The following GRIK2 variants were observed in gnomAD, a reference collection of about 807,000 sequenced individuals.
GRIK2 encodes the protein glutamate receptor ionotropic, kainate 2.
Under a neutral mutation model 100.3 loss-of-function variants are expected in GRIK2, and 32 were observed. The observed-to-expected ratio is 0.32, with a 90% CI of 0.24 to 0.43. GRIK2 has a LOEUF of 0.43. GRIK2 is among the 20% of genes least tolerant of loss of function. The pLI, the probability that GRIK2 is intolerant of heterozygous loss-of-function variation, is 1.00. For missense variants in GRIK2, 843 were observed against 1,114.9 expected, an observed-to-expected ratio of 0.76 and a Z score of 3.47; for synonymous variants, 417 against 389.4, an observed-to-expected ratio of 1.07 and a Z score of -0.83.
intron 7 of GRIK2, among the ~76,000 whole-genome samples, chr6:101,714,074 G>A (rs181179185): frequency 6.6e-6 from 1 of 151,812 alleles, no homozygotes; most frequent in African/African-American, 2.4e-5. Flanking sequence ...AAAATGCAAA[G>A]AAATGTATAT....
chr6:101,623,036 G>T (rs1780239741), intron 3 of GRIK2, among the ~76,000 whole-genome samples: 1 of 151,886 alleles, frequency 6.6e-6, no homozygotes, highest in Admixed American at 6.6e-5. Flanking sequence ...AAAGGAAAAG[G>T]CTTATAAAGT....
chr6:101,857,199 T>C (rs1784468989), intron 10 of GRIK2, among the ~76,000 whole-genome samples: 1 of 151,998 alleles, frequency 6.6e-6, no homozygotes, highest in African/African-American at 2.4e-5. Context: ...TGGAGGTAAA[T>C]GAAAATAGTC....
intron 7 of GRIK2, among the ~76,000 whole-genome samples, chr6:101,714,195 T>C (rs1773908854): frequency 6.6e-6 from 1 of 151,736 alleles, no homozygotes; most frequent in Admixed American, 6.6e-5. Flanking sequence ...TAAAGTTCTT[T>C]TTTTTGTCAG....
chr6:101,930,351 A>AAT (rs1554288360), intron 14 of GRIK2, among the ~76,000 whole-genome samples: 174 of 5,928 alleles, frequency 0.029, 1 homozygote, highest in East Asian at 0.13. Context: ...TCAAAAAAAA[A>AAT]AAATAAAATA....
intron 14 of GRIK2, among the ~76,000 whole-genome samples, chr6:101,976,651 C>T (rs1793396901): frequency 6.6e-6 from 1 of 151,824 alleles, no homozygotes; most frequent in South Asian, 2.1e-4. Context: ...CATGCCACCA[C>T]TGCACTCCAA....
chr6:101,446,770 C>T (rs748610389), intron 2 of GRIK2, among the ~76,000 whole-genome samples: 5 of 148,216 alleles, frequency 3.4e-5, no homozygotes, highest in Admixed American at 6.8e-5. Context: ...AATGCCAAAA[C>T]AATTTTCAAA....
intron 11 of GRIK2, among the ~76,000 whole-genome samples, chr6:101,889,389 C>A (rs1397539898): frequency 1.3e-5 from 2 of 151,022 alleles, no homozygotes; most frequent in African/African-American, 2.4e-5. Flanking sequence ...GTTTTTTTTT[C>A]TATATCTACT....
intron 11 of GRIK2, among the ~76,000 whole-genome samples, chr6:101,878,605 T>C (rs2128452261): frequency 6.6e-6 from 1 of 152,192 alleles, no homozygotes; most frequent in Admixed American, 6.6e-5. Context: ...TAACTCTCTC[T>C]GTATTTTTAT....
At chr6:101,866,915 TGTGA>T (rs1039214470) in intron 11 of GRIK2, among the ~76,000 whole-genome samples, 1 of 151,846 alleles carries the variant, frequency 6.6e-6, no homozygotes, top group African/African-American at 2.4e-5. Context: ...TGTGTGTGTG[TGTGA>T]ATGTGTGTGT....
chr6:101,434,881 A>C (rs1049898166), intron 2 of GRIK2, among the ~76,000 whole-genome samples: 6 of 152,226 alleles, frequency 3.9e-5, no homozygotes, highest in South Asian at 2.1e-4. Flanking sequence ...TGTTTTGCTT[A>C]TTTCTCTGCA....
rs375002157 is a variant in GRIK2 at position 101,706,367 on chromosome 6, A to G, written c.951+20014A>G. ...TGTCTGTTGACATATTTGTTATTCA[A>G]ATTCAAATTTTCTTTCTCATATTGT... On this transcript the variant is annotated intron_variant, in intron 7 of 16. Transcript: ENST00000369134. 2.3e-4 allele frequency among the ~76,000 whole-genome samples: 35 copies of G among 151,978 alleles called. 3 individuals are homozygous for G. The highest frequency in any genetic ancestry group is 1.7e-3 in the East Asian group (9 of 5,162).
chr6:101,894,860 A>C (rs1022636682), intron 12 of GRIK2, among the ~76,000 whole-genome samples: 1 of 151,670 alleles, frequency 6.6e-6, no homozygotes, highest in African/African-American at 2.4e-5. Context: ...GGTTCTTAGC[A>C]GTTTGATGTA....
intron 2 of GRIK2, among the ~76,000 whole-genome samples, chr6:101,514,491 AC>A (rs1774482119): frequency 6.6e-6 from 1 of 152,056 alleles, no homozygotes; most frequent in South Asian, 2.1e-4. Context: ...TTTTTAAAGA[AC>A]TCATTTAATG....
intron 4 of GRIK2, among the ~76,000 whole-genome samples, chr6:101,634,921 T>C (rs1780932710): frequency 6.6e-6 from 1 of 152,074 alleles, no homozygotes; most frequent in African/African-American, 2.4e-5. Context: ...CTTTTGGAGT[T>C]AGCATAATAT....
intron 7 of GRIK2, among the ~76,000 whole-genome samples, chr6:101,723,751 T>C (rs1410552654): frequency 7.9e-5 from 12 of 152,012 alleles, no homozygotes; most frequent in African/African-American, 2.9e-4. Flanking sequence ...ACTAAATAGA[T>C]ACACATTCAA....
chr6:101,730,596 T>C (rs1188922189), intron 7 of GRIK2, among the ~76,000 whole-genome samples: 2 of 151,964 alleles, frequency 1.3e-5, no homozygotes, highest in Non-Finnish European at 2.9e-5. Flanking sequence ...AATTGATACA[T>C]ACTGCTTGAT....
At position 101,912,043 on chromosome 6, in the gene GRIK2, AACGC is replaced by A. The variant is rs1562482861; in HGVS notation, c.1749-12555_1749-12552del. On this transcript the variant is annotated intron_variant, in intron 12 of 16. Coordinates refer to ENST00000369134, the MANE Select transcript of GRIK2 (RefSeq NM_021956.5). ...AGAAGCTTTAGTGATTACCAGGGGCAACGCACACACACACACACACACACACACA... is the reference window on the plus strand; with the variant it reads ...AGAAGCTTTAGTGATTACCAGGGGCAACACACACACACACACACACACACA... Among the ~76,000 whole-genome samples, 30 of 134,708 alleles carry A rather than the reference AACGC, an allele frequency of 2.2e-4. 1 individual carries two copies. In the South Asian group the frequency reaches 7.3e-3, roughly 33 times the overall value. 88.4% of individuals were successfully genotyped at this position (134,708 alleles called of 152,430 possible).
chr6:101,533,682 A>T (rs370222704), intron 2 of GRIK2, among the ~76,000 whole-genome samples: 182 of 152,080 alleles, frequency 1.2e-3, no homozygotes, highest in African/African-American at 4.3e-3. Flanking sequence ...TAGGCCAGTC[A>T]TGCTGATAGG....
chr6:101,737,439 AT>A (rs1419403716), intron 7 of GRIK2, among the ~76,000 whole-genome samples: 1 of 152,212 alleles, frequency 6.6e-6, no homozygotes, highest in Admixed American at 6.5e-5. Context: ...GGAGGAGCAA[AT>A]CATATCTTAT....
Sources: gnomAD v4.1 joint callset for allele counts (sites outside exome capture counted in the v4.1 genomes callset) on GRCh38, gnomAD v4.1.1 for gene constraint, MANE v1.5 for transcripts, NCBI Gene and HGNC (gene_info 2026-07-23, HGNC 2026-07-21) for gene names.